The following KCNH1 variants were observed in gnomAD, a reference collection of about 807,000 sequenced individuals.
KCNH1 encodes the protein voltage-gated delayed rectifier potassium channel KCNH1.
In KCNH1, 27 loss-of-function variants were observed where a neutral mutation model predicts 69.2. That is an observed-to-expected ratio of 0.39 (90% CI 0.29 to 0.54). The LOEUF (loss-of-function observed/expected upper bound fraction) is 0.54, where lower values mean the gene tolerates loss of function less well. KCNH1 is among the 20% of genes least tolerant of loss of function. KCNH1 has a pLI of 0.68. For synonymous variants in KCNH1, 456 were observed against 487.7 expected, an observed-to-expected ratio of 0.93 and a Z score of 0.86; for missense variants, 798 against 1,261.6, an observed-to-expected ratio of 0.63 and a Z score of 5.57.
At chr1:210,746,165 G>A (rs1574229605) in intron 10 of KCNH1, among the ~76,000 whole-genome samples, 1 of 152,082 alleles carries the variant, frequency 6.6e-6, no homozygotes, top group African/African-American at 2.4e-5. Flanking sequence ...CAGCTCCAGG[G>A]GCACCCTTCT....
intron 6 of KCNH1, among the ~76,000 whole-genome samples, chr1:210,984,781 G>C (rs1311548366): frequency 6.6e-6 from 1 of 152,136 alleles, no homozygotes; most frequent in African/African-American, 2.4e-5. Flanking sequence ...TTTGGTATGA[G>C]GATGATTCTG....
At chr1:211,098,606 C>A (rs1339068234) in intron 3 of KCNH1, among the ~76,000 whole-genome samples, 1 of 152,030 alleles carries the variant, frequency 6.6e-6, no homozygotes, top group Middle Eastern at 3.2e-3. Flanking sequence ...TCCTTACAAA[C>A]CCTACAGAAT....
intron 7 of KCNH1, among the ~76,000 whole-genome samples, chr1:210,837,647 A>C (rs1297608993): frequency 6.6e-5 from 10 of 152,342 alleles, no homozygotes. Context: ...CAGACCACAC[A>C]AAGTAGTAGG....
At chr1:210,945,126 G>A (rs1312905063) in intron 6 of KCNH1, among the ~76,000 whole-genome samples, 1 of 152,162 alleles carries the variant, frequency 6.6e-6, no homozygotes, top group Non-Finnish European at 1.5e-5. Flanking sequence ...ATCCTATTGT[G>A]TGTTTAACAC....
At chr1:210,965,300 G>A (rs1320654798) in intron 6 of KCNH1, among the ~76,000 whole-genome samples, 3 of 152,048 alleles carry the variant, frequency 2.0e-5, no homozygotes, top group Non-Finnish European at 2.9e-5. Context: ...AGGAAAAGAG[G>A]AAGTCAAATT....
At chr1:210,973,551 T>G (rs1461496148) in intron 6 of KCNH1, among the ~76,000 whole-genome samples, 2 of 152,168 alleles carry the variant, frequency 1.3e-5, no homozygotes, top group Non-Finnish European at 2.9e-5. Flanking sequence ...ACATTTATTT[T>G]GTGGCAAGAG....
At chr1:211,060,332 C>T (rs545817357) in intron 5 of KCNH1, among the ~76,000 whole-genome samples, 4 of 125,440 alleles carry the variant, frequency 3.2e-5, no homozygotes, top group Non-Finnish European at 6.3e-5. Flanking sequence ...ACCCGGGAGG[C>T]GGAGCTTGCA....
chr1:210,941,556 A>G (rs1024886498), intron 6 of KCNH1, among the ~76,000 whole-genome samples: 3 of 152,184 alleles, frequency 2.0e-5, no homozygotes, highest in African/African-American at 4.8e-5. Context: ...AGGATTCCCA[A>G]TACTCAGGGA....
At chr1:210,959,928 G>A (rs1182724482) in intron 6 of KCNH1, among the ~76,000 whole-genome samples, 3 of 152,132 alleles carry the variant, frequency 2.0e-5, no homozygotes, top group Non-Finnish European at 4.4e-5. Flanking sequence ...TGTCCAACCA[G>A]TCCCAATGAG....
chr1:210,934,701 A>C (rs1261612642), intron 6 of KCNH1, among the ~76,000 whole-genome samples: 1 of 152,106 alleles, frequency 6.6e-6, no homozygotes, highest in African/African-American at 2.4e-5. Flanking sequence ...ATCATTAATC[A>C]TTAAGGAAAT....
At chr1:211,041,006 CCT>C (rs1384041562) in intron 5 of KCNH1, among the ~76,000 whole-genome samples, 3 of 152,316 alleles carry the variant, frequency 2.0e-5, no homozygotes, top group African/African-American at 7.2e-5. Context: ...TTCCCATCAA[CCT>C]CTCTTTGAAT....
intron 10 of KCNH1, among the ~76,000 whole-genome samples, chr1:210,729,032 A>C (rs1473576574): frequency 1.3e-5 from 2 of 152,270 alleles, no homozygotes. Context: ...GCAAGCTCAC[A>C]GTGGACTATA....
At chr1:210,999,327 G>A (rs559855084) in intron 6 of KCNH1, among the ~76,000 whole-genome samples, 2 of 151,962 alleles carry the variant, frequency 1.3e-5, no homozygotes, top group South Asian at 4.2e-4. Flanking sequence ...AATGATAAAG[G>A]GGATATCACC....
chr1:210,853,407 T>C (rs970600003), intron 7 of KCNH1, among the ~76,000 whole-genome samples: 1 of 152,202 alleles, frequency 6.6e-6, no homozygotes, highest in Non-Finnish European at 1.5e-5. Flanking sequence ...GCTTGGCCAC[T>C]GAGGCAGATG....
chr1:211,103,410 A>C, intron 3 of KCNH1, 86 bp downstream of exon 3: 2 of 867,050 alleles, frequency 2.3e-6, no homozygotes, highest in South Asian at 3.5e-5. Context: ...GGAGAGAAGA[A>C]AAACCAAGAC....
At chr1:210,780,709 A>G (rs1405192445) in intron 9 of KCNH1, among the ~76,000 whole-genome samples, 1 of 152,230 alleles carries the variant, frequency 6.6e-6, no homozygotes, top group Non-Finnish European at 1.5e-5. Context: ...AGGGATCAGC[A>G]TGAGCAAAGG....
At chr1:210,978,249 AGGAT>A (rs1326746298) in intron 6 of KCNH1, among the ~76,000 whole-genome samples, 1 of 152,150 alleles carries the variant, frequency 6.6e-6, no homozygotes, top group Non-Finnish European at 1.5e-5. Flanking sequence ...CATGTTAGCC[AGGAT>A]GGTCTCTATT....
At chr1:210,857,452 A>T (rs574864119) in intron 7 of KCNH1, among the ~76,000 whole-genome samples, 17 of 151,630 alleles carry the variant, frequency 1.1e-4, no homozygotes, top group Admixed American at 5.3e-4. Flanking sequence ...AAGTTTTCGC[A>T]TGGGGGTGGG....
intron 10 of KCNH1, among the ~76,000 whole-genome samples, chr1:210,738,327 T>G (rs1235493385): frequency 6.6e-6 from 1 of 152,188 alleles, no homozygotes; most frequent in Admixed American, 6.5e-5. Context: ...CACTGATGTA[T>G]CTCTGATACA....
Sources: allele counts gnomAD v4.1 joint callset (sites outside exome capture counted in the v4.1 genomes callset), GRCh38; gene constraint gnomAD v4.1.1; transcripts MANE v1.5; gene names NCBI Gene and HGNC (gene_info 2026-07-23, HGNC 2026-07-21).